BCAR3: variants seen among roughly 807,000 people sequenced by gnomAD.
BCAR3 encodes BCAR3 adaptor protein, NSP family member.
In BCAR3, 37 loss-of-function variants were observed where a neutral mutation model predicts 80.1. That is an observed-to-expected ratio of 0.46 (90% CI 0.36 to 0.61). The LOEUF (loss-of-function observed/expected upper bound fraction) is 0.61, where lower values mean the gene tolerates loss of function less well. Ranked by LOEUF, BCAR3 falls within the 20% of genes least tolerant of loss-of-function variation. The pLI is 0.00. For synonymous variants in BCAR3, 389 were observed against 418.9 expected (o/e 0.93, Z 0.87); for missense variants, 978 against 1,068.2 (o/e 0.92, Z 1.18).
chr1:93,683,685 G>C (rs546492977), upstream of BCAR3, among the ~76,000 whole-genome samples: 3 of 152,232 alleles, frequency 2.0e-5, no homozygotes, highest in Non-Finnish European at 2.9e-5. Flanking sequence ...CCGCAAATGG[G>C]TACATACTAT....
intron 2 of BCAR3, among the ~76,000 whole-genome samples, chr1:93,648,260 A>T (rs1676207761): frequency 6.6e-6 from 1 of 152,184 alleles, no homozygotes; most frequent in South Asian, 2.1e-4. Flanking sequence ...AGCAGGGCTT[A>T]TGAGGTGAGG....
At chr1:93,770,822 G>A (rs1417262780) in intron 2 of BCAR3, among the ~76,000 whole-genome samples, 2 of 151,998 alleles carry the variant, frequency 1.3e-5, no homozygotes, top group African/African-American at 4.8e-5. Context: ...TTGTATTTCA[G>A]GACCACAGAC....
At chr1:93,621,803 G>A (rs977264495) in intron 3 of BCAR3, among the ~76,000 whole-genome samples, 5 of 152,270 alleles carry the variant, frequency 3.3e-5, no homozygotes, top group South Asian at 4.1e-4. Context: ...GCCTGCAGCC[G>A]TCACAGATAT....
chr1:93,844,104 C>T (rs1254793851), intron 2 of BCAR3, among the ~76,000 whole-genome samples: 2 of 152,152 alleles, frequency 1.3e-5, no homozygotes, highest in East Asian at 3.8e-4. Flanking sequence ...GTCAGGAGTT[C>T]AAGACCTGCC....
intron 2 of BCAR3, among the ~76,000 whole-genome samples, chr1:93,794,267 C>CCACA (rs1266108238): frequency 1.5e-4 from 9 of 61,786 alleles, no homozygotes; most frequent in African/African-American, 3.6e-4. Flanking sequence ...TTAAAGTCTC[C>CCACA]CATTATTAAT....
chr1:93,776,953 G>C (rs1054068743), intron 2 of BCAR3, among the ~76,000 whole-genome samples: 2 of 152,132 alleles, frequency 1.3e-5, no homozygotes, highest in African/African-American at 4.8e-5. Context: ...CTTACAGATG[G>C]AATCAGGTTA....
chr1:93,663,004 C>T (rs2101933285), intron 2 of BCAR3, among the ~76,000 whole-genome samples: 1 of 152,298 alleles, frequency 6.6e-6, no homozygotes, highest in Middle Eastern at 3.4e-3. Flanking sequence ...GTCTCACACT[C>T]CCTCAGTCTT....
chr1:93,718,017 G>T (rs1571070359), intron 2 of BCAR3, among the ~76,000 whole-genome samples: 1 of 152,160 alleles, frequency 6.6e-6, no homozygotes, highest in African/African-American at 2.4e-5. Flanking sequence ...CACTTCACTT[G>T]GTTGTTACTT....
intron 1 of BCAR3, among the ~76,000 whole-genome samples, chr1:93,677,891 A>T (rs759372748): frequency 2.6e-5 from 4 of 152,220 alleles, no homozygotes; most frequent in Non-Finnish European, 5.9e-5. Context: ...ACCAGAGAGT[A>T]GATCCCTTAA....
intron 3 of BCAR3, among the ~76,000 whole-genome samples, chr1:93,624,925 T>C (rs1488179899): frequency 1.3e-5 from 2 of 152,198 alleles, no homozygotes; most frequent in Non-Finnish European, 2.9e-5. Context: ...AAGAGTCATT[T>C]TACGGCCAGG....
chr1:93,569,461 C>A (rs1673115212), intron 9 of BCAR3, among the ~76,000 whole-genome samples: 1 of 152,256 alleles, frequency 6.6e-6, no homozygotes, highest in South Asian at 2.1e-4. Flanking sequence ...CTTCTGTAGA[C>A]CCCTGCTCCC....
chr1:93,692,878 T>C (rs1649245353), intron 3 of BCAR3, among the ~76,000 whole-genome samples: 1 of 152,114 alleles, frequency 6.6e-6, no homozygotes, highest in East Asian at 1.9e-4. Flanking sequence ...TATTTGAGAT[T>C]TGGACTTTTG....
chr1:93,668,734 G>A (rs1254571188), intron 2 of BCAR3, among the ~76,000 whole-genome samples: 2 of 146,014 alleles, frequency 1.4e-5, no homozygotes, highest in African/African-American at 2.5e-5. Flanking sequence ...TTTCTAAGAC[G>A]GAGTTCTACT....
At chr1:93,671,201 G>C (rs1452180035) in intron 2 of BCAR3, among the ~76,000 whole-genome samples, 2 of 152,046 alleles carry the variant, frequency 1.3e-5, no homozygotes, top group African/African-American at 2.4e-5. Context: ...CGTCATGTTG[G>C]CCAGGATGGT....
In BCAR3 at chr1:93,662,725, A is replaced by G. The variant is rs1301078332; in HGVS notation, c.317+11889T>C. Among the ~76,000 whole-genome samples the G allele has an allele frequency of 2.0e-5, 3 of 152,172 alleles. No homozygotes were observed. In the East Asian group the frequency reaches 5.8e-4, roughly 29 times the overall value. On this transcript the variant is annotated intron_variant, in intron 2 of 11. Coordinates refer to ENST00000260502, the MANE Select transcript of BCAR3 (RefSeq NM_003567.4). ...AGCTTCCAACCAAGTAACCCCAGGA[A>G]CTAAAGTTAATCTGGTATGACTGGC...
chr1:93,583,068 C>T, intron 6 of BCAR3, 115 bp from the exon 7 acceptor site: 4 of 1,236,698 alleles, frequency 3.2e-6, no homozygotes, highest in Non-Finnish European at 4.4e-6. Context: ...CTTCAATTTT[C>T]ATTTTCATTT....
chr1:93,587,802 A>G (rs1360989544), intron 5 of BCAR3, among the ~76,000 whole-genome samples: 6 of 151,792 alleles, frequency 4.0e-5, no homozygotes, highest in Non-Finnish European at 8.8e-5. Context: ...GAGGGGCTGG[A>G]CTGGATCTAT....
intron 3 of BCAR3, among the ~76,000 whole-genome samples, chr1:93,610,091 TG>T (rs1217475276): frequency 8.5e-5 from 13 of 152,214 alleles, no homozygotes; most frequent in African/African-American, 2.9e-4. Flanking sequence ...CAACTCCCAC[TG>T]GGTCCCCAGC....
intron 2 of BCAR3, among the ~76,000 whole-genome samples, chr1:93,733,816 G>A (rs1486897836): frequency 2.0e-5 from 3 of 152,212 alleles, no homozygotes; most frequent in Non-Finnish European, 4.4e-5. Context: ...TGGCCTGTTG[G>A]GGACTAGTAT....
Sources: allele counts gnomAD v4.1 joint callset (sites outside exome capture counted in the v4.1 genomes callset), GRCh38; gene constraint gnomAD v4.1.1; transcripts MANE v1.5; gene names NCBI Gene and HGNC (gene_info 2026-07-23, HGNC 2026-07-21).